CLDN16: variants seen among roughly 807,000 people sequenced by gnomAD.
CLDN16 encodes the protein claudin 16, also known as claudin-16.
A neutral mutation model predicts 24.6 loss-of-function variants in CLDN16; 13 were observed. The observed-to-expected ratio is 0.53, with a 90% confidence interval of 0.34 to 0.84. CLDN16 has a LOEUF of 0.84. CLDN16 is among the 40% of genes least tolerant of loss of function. The probability of loss-of-function intolerance (pLI) is 0.01; values close to 1 mark genes in which losing one functional copy is unlikely to be tolerated. For synonymous variants in CLDN16, 116 were observed against 106.7 expected (o/e 1.09, Z -0.54); for missense variants, 298 against 292.7 (o/e 1.02, Z -0.13).
At chr3:190,394,905 G>T (rs1718776402) in intron 1 of CLDN16, among the ~76,000 whole-genome samples, 1 of 151,948 alleles carries the variant, frequency 6.6e-6, no homozygotes, top group Non-Finnish European at 1.5e-5. Flanking sequence ...TCTGATTCTT[G>T]GGATATCTAA....
At chr3:190,401,687 A>G (rs1315069832) in intron 1 of CLDN16, among the ~76,000 whole-genome samples, 7 of 152,204 alleles carry the variant, frequency 4.6e-5, no homozygotes, top group Non-Finnish European at 1.5e-5. Context: ...GTCAAGTTGT[A>G]TGAAATTAAT....
intron 2 of CLDN16, among the ~76,000 whole-genome samples, chr3:190,372,574 T>G (rs939958844): frequency 1.1e-4 from 16 of 151,364 alleles, no homozygotes; most frequent in Non-Finnish European, 1.9e-4. Flanking sequence ...AGCCTAAGAG[T>G]TTGAGGCTGC....
intron 1 of CLDN16, among the ~76,000 whole-genome samples, chr3:190,329,538 A>G (rs1204936732): frequency 5.9e-5 from 9 of 152,180 alleles, no homozygotes; most frequent in Admixed American, 5.9e-4. Flanking sequence ...GATTTTCAAG[A>G]ACAATAATAT....
intron 2 of CLDN16, among the ~76,000 whole-genome samples, chr3:190,374,227 A>G (rs1212463741): frequency 6.7e-6 from 1 of 149,596 alleles, no homozygotes; most frequent in Non-Finnish European, 1.5e-5. Flanking sequence ...CAATCTGTGG[A>G]GTCATTGGTT....
the CLDN16 span, among the ~76,000 whole-genome samples, chr3:190,312,388 G>A: frequency 6.6e-6 from 1 of 151,852 alleles, no homozygotes; most frequent in Non-Finnish European, 1.5e-5. Context: ...TGATCTACAG[G>A]CACATCCTGT....
intron 1 of CLDN16, among the ~76,000 whole-genome samples, chr3:190,358,347 G>T (rs1276858593): frequency 2.6e-5 from 4 of 151,898 alleles, no homozygotes; most frequent in African/African-American, 9.7e-5. Flanking sequence ...AATTTAAAAA[G>T]AATATCTAAT....
chr3:190,406,575 G>T (rs540710203), intron 3 of CLDN16, among the ~76,000 whole-genome samples: 1 of 152,136 alleles, frequency 6.6e-6, no homozygotes, highest in Admixed American at 6.5e-5. Context: ...CTAAGCTTTG[G>T]AAACTTTAGA....
chr3:190,409,739 G>C (rs968763560), intron 4 of CLDN16, among the ~76,000 whole-genome samples, 164 bp from the exon 5 acceptor site: 1 of 151,940 alleles, frequency 6.6e-6, no homozygotes, highest in Non-Finnish European at 1.5e-5. Context: ...CTTTCAGAAT[G>C]AAAATCTTAA....
intron 1 of CLDN16, among the ~76,000 whole-genome samples, chr3:190,341,027 G>T (rs991600517): frequency 5.3e-5 from 8 of 152,232 alleles, no homozygotes; most frequent in African/African-American, 9.6e-5. Context: ...CTCTGCCCTT[G>T]TGGCTTTGCA....
At chr3:190,351,211 C>T (rs1717665820) in intron 1 of CLDN16, among the ~76,000 whole-genome samples, 1 of 152,082 alleles carries the variant, frequency 6.6e-6, no homozygotes, top group Non-Finnish European at 1.5e-5. Context: ...ACCAGAAGCA[C>T]AGGCTGTCAC....
chr3:190,316,275 T>C, the CLDN16 span, among the ~76,000 whole-genome samples: 2 of 152,246 alleles, frequency 1.3e-5, no homozygotes, highest in African/African-American at 4.8e-5. Context: ...ACTTACATCC[T>C]GGCAACTATT....
At chr3:190,391,068 T>A (rs977109592) in intron 1 of CLDN16, among the ~76,000 whole-genome samples, 1 of 152,174 alleles carries the variant, frequency 6.6e-6, no homozygotes, top group South Asian at 2.1e-4. Flanking sequence ...ATTATAGGAG[T>A]GAACCACCAC....
intron 1 of CLDN16, among the ~76,000 whole-genome samples, chr3:190,369,574 T>C (rs1330428771): frequency 6.6e-6 from 1 of 151,984 alleles, no homozygotes; most frequent in Non-Finnish European, 1.5e-5. Flanking sequence ...ATTATCCTAG[T>C]CTTTTTCTAA....
At chr3:190,352,330 T>C (rs968658176) in intron 1 of CLDN16, among the ~76,000 whole-genome samples, 5 of 152,224 alleles carry the variant, frequency 3.3e-5, no homozygotes, top group African/African-American at 1.2e-4. Context: ...AGTAAATATT[T>C]GTTGTATTTA....
rs1019544622 is a variant in CLDN16, at chr3:190,350,559, A to G, written n.122-20334A>G. 3.9e-5 allele frequency among the ~76,000 whole-genome samples: 6 copies of G among 152,138 alleles called. No individual in the cohort carries two copies. In the East Asian group the frequency reaches 5.8e-4, roughly 15 times the overall value. On this transcript the variant is annotated intron_variant and non_coding_transcript_variant, in intron 1 of 4. Coordinates refer to the CLDN16 transcript ENST00000468220. ...AGGTCATGAAAAATATCACAGGTAA[A>G]GGGAAAGGCCTCTGGAGTCAGGAAT...
chr3:190,395,777 T>C (rs922665638), intron 1 of CLDN16, among the ~76,000 whole-genome samples: 3 of 152,092 alleles, frequency 2.0e-5, no homozygotes, highest in African/African-American at 7.2e-5. Context: ...TGTCTGTACA[T>C]TTATAATCTT....
At chr3:190,293,329 G>A in the CLDN16 span, among the ~76,000 whole-genome samples, 1 of 152,160 alleles carries the variant, frequency 6.6e-6, no homozygotes, top group African/African-American at 2.4e-5. Flanking sequence ...TCAACACCTG[G>A]TGATTACTAT....
rs185804084 is a variant in CLDN16 at position 190,332,266 on chromosome 3, G to A, written n.121+9605G>A. Among the ~76,000 whole-genome samples the A allele has an allele frequency of 1.4e-3, 219 of 152,228 alleles. 2 individuals are homozygous for A. Among genetic ancestry groups the A allele is most frequent in the Non-Finnish European group, 1.7e-3 (113 of 68,006 alleles). Reference sequence around the variant, plus strand: ...TAGAAAGAGGCTATGTAAATATATTGCAGATAATTATTCACATATTTCTGA... The same window carrying A: ...TAGAAAGAGGCTATGTAAATATATTACAGATAATTATTCACATATTTCTGA... On this transcript the variant is annotated intron_variant and non_coding_transcript_variant, in intron 1 of 4. Coordinates refer to the CLDN16 transcript ENST00000468220.
At chr3:190,409,246 G>GTATAAGCATGTA (rs1719202138) in intron 4 of CLDN16, among the ~76,000 whole-genome samples, 1 of 151,628 alleles carries the variant, frequency 6.6e-6, no homozygotes, top group Non-Finnish European at 1.5e-5. Flanking sequence ...ATGCACACAC[G>GTATAAGCATGTA]TATATGCATG....
Sources: allele counts gnomAD v4.1 joint callset (sites outside exome capture counted in the v4.1 genomes callset), GRCh38; gene constraint gnomAD v4.1.1; transcripts MANE v1.5; gene names NCBI Gene and HGNC (gene_info 2026-07-23, HGNC 2026-07-21).